CATSPERG: variants seen among roughly 807,000 people sequenced by gnomAD.
CATSPERG encodes catsper channel auxiliary subunit gamma, also known as cation channel sperm-associated auxiliary subunit gamma.
A neutral mutation model predicts 145.0 loss-of-function variants in CATSPERG; 115 were observed. The observed-to-expected ratio is 0.79, with a 90% CI of 0.68 to 0.93. The LOEUF is 0.93. Ranked by LOEUF, CATSPERG falls within the 40% of genes least tolerant of loss-of-function variation. The probability of loss-of-function intolerance (pLI) is 0.00; values close to 1 mark genes in which losing one functional copy is unlikely to be tolerated. For missense variants in CATSPERG, 1,296 were observed against 1,490.1 expected (o/e 0.87, Z 2.14); for synonymous variants, 588 against 589.0 (o/e 1.00, Z 0.02).
intron 1 of CATSPERG, chr19:38,336,296 G>A (rs1168834990): frequency 2.3e-6 from 1 of 438,390 alleles, no homozygotes; most frequent in Non-Finnish European, 4.6e-6. Flanking sequence ...ATCCCGAGGC[G>A]AAGAGACAGT....
intron 26 of CATSPERG, among the ~76,000 whole-genome samples, chr19:38,368,992 CG>C (rs1380172942): frequency 6.6e-6 from 1 of 151,776 alleles, no homozygotes; most frequent in Non-Finnish European, 1.5e-5. Flanking sequence ...CTAGTAGAGA[CG>C]GGGTTTCACC....
rs1159428321 is a variant in CATSPERG at position 38,368,029 on chromosome 19, A to G, written c.2931-19A>G. The G allele has an allele frequency of 1.9e-6, 3 of 1,612,574 alleles. No homozygotes were observed. In the African/African-American group the frequency reaches 4.0e-5, roughly 22 times the overall value. On this transcript the variant is annotated intron_variant, in intron 25 of 28. Coordinates refer to ENST00000409235, the MANE Select transcript of CATSPERG (RefSeq NM_021185.5). ...CACCGCCCCCCAACCCCTGGCTGAG[A>G]TGACCTGGGCCTGCACAGGACCAAC...
intron 7 of CATSPERG, among the ~76,000 whole-genome samples, chr19:38,349,884 C>A (rs1447503572): frequency 6.6e-6 from 1 of 151,740 alleles, no homozygotes; most frequent in South Asian, 2.1e-4. Flanking sequence ...AGGCTGGTCC[C>A]GAACTCCTGA....
chr19:38,360,657 G>A lies in CATSPERG; in HGVS notation c.1767+10G>A, dbSNP rs769315561. The stretch of plus-strand genomic sequence containing the variant: ...CAGCAAACTGTACCAGGTGCCCGGT[G>A]GAGCTATGCGGGGACATCGGGGCAC... On this transcript the variant is annotated intron_variant, in intron 15 of 28. Transcript: ENST00000409235. 1.5e-5 allele frequency: 24 copies of A among 1,614,070 alleles called. No individual in the cohort carries two copies. Among genetic ancestry groups the A allele is most frequent in the Non-Finnish European group, 1.9e-5 (23 of 1,180,018 alleles).
At chr19:38,343,443 T>C (rs766118283) in intron 3 of CATSPERG, 137 bp from the exon 4 acceptor site, 55 of 778,518 alleles carry the variant, frequency 7.1e-5, no homozygotes, top group African/African-American at 2.3e-4. Flanking sequence ...ACCTAGACCA[T>C]GTCCTCTGAC....
chr19:38,352,660 G>A (rs1323167267), intron 8 of CATSPERG, among the ~76,000 whole-genome samples: 1 of 140,734 alleles, frequency 7.1e-6, no homozygotes, highest in Non-Finnish European at 1.5e-5. Context: ...TGGGAATTGT[G>A]AGCAGCTGTG....
intron 7 of CATSPERG, among the ~76,000 whole-genome samples, chr19:38,350,165 C>T (rs7256575): frequency 0.13 from 19,995 of 152,116 alleles, 1,624 homozygotes; most frequent in South Asian, 0.2. Flanking sequence ...AAGGGGTCAC[C>T]TGGCTACATC....
At chr19:38,354,573 C>G in intron 8 of CATSPERG, 137 bp from the exon 9 acceptor site, 1 of 998,216 alleles carries the variant, frequency 1.0e-6, no homozygotes, top group South Asian at 1.6e-5. Context: ...GCCAGGTGCT[C>G]CCTGACACCA....
At chr19:38,357,077 A>C (rs1970256671) in intron 11 of CATSPERG, among the ~76,000 whole-genome samples, 1 of 152,194 alleles carries the variant, frequency 6.6e-6, no homozygotes, top group Admixed American at 6.5e-5. Context: ...TTTTACCTGC[A>C]GTGAGAATAG....
At chr19:38,364,439 T>C (rs2032595231) in intron 20 of CATSPERG, among the ~76,000 whole-genome samples, 1 of 145,776 alleles carries the variant, frequency 6.9e-6, no homozygotes, top group Non-Finnish European at 1.5e-5. Flanking sequence ...CTTTCCAGAG[T>C]GGGCAGCCAG....
chr19:38,369,895 T>G (rs1043653161), intron 26 of CATSPERG, 77 bp from the exon 27 acceptor site: 26 of 1,364,236 alleles, frequency 1.9e-5, no homozygotes, highest in African/African-American at 4.3e-5. Flanking sequence ...CCGAAAACAT[T>G]GGGTGGAGGA....
intron 3 of CATSPERG, among the ~76,000 whole-genome samples, chr19:38,340,897 G>T (rs1000138922): frequency 1.2e-5 from 1 of 86,918 alleles, no homozygotes; most frequent in Non-Finnish European, 2.4e-5. Flanking sequence ...TAGAAAGGAG[G>T]GGGGGGCACT....
intron 4 of CATSPERG, 100 bp downstream of exon 4, chr19:38,343,824 C>G (rs559441364): frequency 4.2e-6 from 6 of 1,428,108 alleles, no homozygotes; most frequent in Non-Finnish European, 5.6e-6. Flanking sequence ...ATGTGGGGGG[C>G]GGGAGCTCAG....
chr19:38,343,762 A>C (rs983613273), intron 4 of CATSPERG, 38 bp downstream of exon 4: 38 of 1,528,696 alleles, frequency 2.5e-5, no homozygotes, highest in Non-Finnish European at 3.2e-5. Context: ...GCAACCTGGC[A>C]GGGGTGTGGG....
intron 3 of CATSPERG, among the ~76,000 whole-genome samples, chr19:38,343,172 T>C (rs1192229243): frequency 6.6e-6 from 1 of 152,116 alleles, no homozygotes; most frequent in African/African-American, 2.4e-5. Flanking sequence ...TAATTTTTTT[T>C]TTTTAAGCCT....
chr19:38,370,435 A>G, intron 28 of CATSPERG, 91 bp from the exon 29 acceptor site: 2 of 1,548,700 alleles, frequency 1.3e-6, no homozygotes, highest in Non-Finnish European at 1.8e-6. Context: ...TCATGCCTCC[A>G]TCTGTCAATT....
At chr19:38,341,474 G>T (rs935598354) in intron 3 of CATSPERG, among the ~76,000 whole-genome samples, 2 of 152,198 alleles carry the variant, frequency 1.3e-5, no homozygotes, top group African/African-American at 4.8e-5. Flanking sequence ...GGATTGAAAA[G>T]AGCCTGGTGC....
rs1350236235 is a variant in CATSPERG, at chr19:38,356,798, C to A, written c.1252C>A (p.Leu418Met). The A allele has an allele frequency of 6.2e-7, 1 of 1,614,168 alleles. No homozygotes were observed. The highest frequency in any genetic ancestry group is 8.5e-7 in the Non-Finnish European group (1 of 1,180,016). Residue 418 changes from leucine (L) to methionine (M), a missense_variant, in exon 11 of 29, where the codon CTG (leucine) becomes ATG (methionine). Transcript: ENST00000409235. ...EYIAGEYTLL[L>M]LVESGYGNAS... ...CATCGCGGGTGAGTATACTCTACTG[C>A]TGCTGGTGGAGAGTGGATATGGTAA...
In CATSPERG at chr19:38,337,467, T is replaced by G. The variant is rs1161004041; in HGVS notation, c.233T>G (p.Phe78Cys). The G allele has an allele frequency of 2.6e-6, 4 of 1,552,014 alleles. No individual in the cohort carries two copies. In the Admixed American group the frequency reaches 7.8e-5, roughly 30 times the overall value. The change falls in exon 2 of 29, where the codon TTT becomes TGT. Residue 78 changes from phenylalanine (F) to cysteine (C), a missense_variant. Physicochemically the swap from Phe to Cys is radical, Grantham distance 205. Coordinates refer to ENST00000409235, the MANE Select transcript of CATSPERG (RefSeq NM_021185.5). ...CCCGTGGACACAGTGAGCAGCTTGTTTCACATGCTGGTGGACTCACCCATC... is the reference window on the plus strand; with the variant it reads ...CCCGTGGACACAGTGAGCAGCTTGTGTCACATGCTGGTGGACTCACCCATC... ...QEPVDTVSSLFHMLVDSPIDP... is the reference protein window; with the variant it reads ...QEPVDTVSSLCHMLVDSPIDP...
Sources: gnomAD v4.1 joint callset for allele counts (sites outside exome capture counted in the v4.1 genomes callset) on GRCh38, gnomAD v4.1.1 for gene constraint, MANE v1.5 for transcripts, NCBI Gene and HGNC (gene_info 2026-07-23, HGNC 2026-07-21) for gene names.